HAUS5: variants seen among roughly 807,000 people sequenced by gnomAD.
The protein encoded by HAUS5 is HAUS augmin like complex subunit 5.
Under a neutral mutation model 94.1 loss-of-function variants are expected in HAUS5, and 67 were observed. The ratio of observed to expected loss-of-function variants is 0.71; its 90% CI spans 0.58 to 0.87. The LOEUF is 0.87. Ranked by LOEUF, HAUS5 falls within the 40% of genes least tolerant of loss-of-function variation. The probability of loss-of-function intolerance (pLI) is 0.00; values close to 1 mark genes in which losing one functional copy is unlikely to be tolerated. For synonymous variants in HAUS5, 339 were observed against 355.4 expected (o/e 0.95, Z 0.52); for missense variants, 739 against 825.6 (o/e 0.90, Z 1.29).
intron 6 of HAUS5, 121 bp downstream of exon 6, chr19:35,615,507 C>A: frequency 1.3e-6 from 1 of 757,284 alleles, no homozygotes; most frequent in Non-Finnish European, 2.1e-6. Flanking sequence ...GATGGAATGT[C>A]CATGAGGCCA....
At chr19:35,619,946 C>CA in intron 15 of HAUS5, 66 bp from the exon 16 acceptor site, 1 of 1,563,636 alleles carries the variant, frequency 6.4e-7, no homozygotes, top group African/African-American at 1.4e-5. Context: ...CCTGGGCCCC[C>CA]AGAGCCTCCA....
At chr19:35,617,764 T>C in intron 8 of HAUS5, 91 bp from the exon 9 acceptor site, 1 of 1,112,252 alleles carries the variant, frequency 9.0e-7, no homozygotes, top group Non-Finnish European at 1.4e-6. Context: ...ATAGGGAAGA[T>C]GACAGCCCCT....
chr19:35,618,959 G>C lies in HAUS5; in HGVS notation c.1089G>C (p.Gln363His). The C allele has an allele frequency of 6.2e-7, 1 of 1,613,658 alleles. No individual in the cohort carries two copies. Among genetic ancestry groups the C allele is most frequent in the Non-Finnish European group, 8.5e-7 (1 of 1,179,798 alleles). ...TELKALHDQS[Q>H]ELQDAAGHRQ... Reference sequence around the variant, plus strand: ...TCAAGGCCCTGCACGATCAGAGCCAGGAGCTGCAGGATGCAGCTGGGCATC... The same window carrying C: ...TCAAGGCCCTGCACGATCAGAGCCACGAGCTGCAGGATGCAGCTGGGCATC... The change falls in exon 13 of 19, where the codon CAG becomes CAC. Residue 363 changes from glutamine (Q) to histidine (H), a missense_variant. Transcript: ENST00000203166.
rs1479866116 is a variant in HAUS5, at chr19:35,620,088, G to A, written c.1483G>A (p.Ala495Thr). 3 of 1,613,778 alleles carry A rather than the reference G, an allele frequency of 1.9e-6. No homozygotes were observed. Among genetic ancestry groups the A allele is most frequent in the South Asian group, 2.2e-5 (2 of 91,080 alleles). Reference sequence around the variant, plus strand: ...GTCCCCAAGGGGCTCCAGCTTCATAGCGCTGAGCCACAAGCTGGGGCTGCC... The same window carrying A: ...GTCCCCAAGGGGCTCCAGCTTCATAACGCTGAGCCACAAGCTGGGGCTGCC... ...PASPRGSSFI[A>T]LSHKLGLPPG... The change falls in exon 16 of 19, where the codon GCG becomes ACG. Residue 495 changes from alanine to threonine, a missense_variant. Physicochemically the swap from Ala to Thr is moderately conservative, Grantham distance 58 (BLOSUM62 0). Coordinates refer to ENST00000203166, the MANE Select transcript of HAUS5 (RefSeq NM_015302.2).
chr19:35,618,497 C>G, intron 11 of HAUS5, 32 bp downstream of exon 11: 1 of 1,611,882 alleles, frequency 6.2e-7, no homozygotes, highest in South Asian at 1.1e-5. Context: ...CCACCACATT[C>G]CAAGACTTCC....
At position 35,617,910 on chromosome 19, in the gene HAUS5, G is replaced by C. The variant is rs1967125036; in HGVS notation, c.694G>C (p.Glu232Gln). Residue 232 changes from glutamate (E) to glutamine (Q), a missense_variant and splice_region_variant, in exon 9 of 19, where the codon GAG becomes CAG. Glu to Gln is a conservative substitution (Grantham distance 29). Transcript: ENST00000203166. ...GTACCAGCAGTGGCTGAGCTCAGTG[G>C]AGGTGAGAGGGCAGGGCTCTCAGGA... ...TSYQQWLSSV[E>Q]TLLTNHPPGH... The C allele has an allele frequency of 6.2e-7, 1 of 1,613,836 alleles. No homozygotes were observed. The highest frequency in any genetic ancestry group is 1.3e-5 in the African/African-American group (1 of 74,896).
Position 35,622,611 on chromosome 19 carries a change from G to T in HAUS5, c.1662G>T (p.Gln554His), listed in dbSNP as rs1258890499. ...CTTTCTCACCCTCAGAGCTGCTGCA[G>T]ATCCAGGCATCCCAGGAAAAACAGC... ...PPGLPTQELL[Q>H]IQASQEKQQK... Residue 554 changes from glutamine (Q) to histidine (H), a missense_variant, in exon 18 of 19, where the codon CAG becomes CAT. By Grantham distance (24) the Gln-to-His change is conservative. Transcript: ENST00000203166. The T allele has an allele frequency of 1.2e-6, 2 of 1,613,944 alleles. No individual in the cohort carries two copies. The highest frequency in any genetic ancestry group is 1.7e-6 in the Non-Finnish European group (2 of 1,179,990).
chr19:35,618,509 T>G, intron 11 of HAUS5, 44 bp downstream of exon 11: 1 of 1,613,930 alleles, frequency 6.2e-7, no homozygotes, highest in Non-Finnish European at 8.5e-7. Context: ...AAGACTTCCT[T>G]AATCCCCTCA....
At position 35,622,989 on chromosome 19, in the gene HAUS5, G is replaced by T; in HGVS notation, c.1898G>T (p.Ser633Ile). 6.3e-7 allele frequency: 1 copy of T among 1,599,338 alleles called. No homozygotes were observed. ...CAGGGGGCCCTGCAGAAGCTGTGCA[G>T]CTGAAGAGAGGGTTCAAACGGAAGC... is the stretch of plus-strand genomic sequence containing the variant. ...QAQGALQKLCS is the reference protein window; with the variant it reads ...QAQGALQKLCI The change falls in exon 19 of 19, where the codon AGC becomes ATC. Residue 633 changes from serine to isoleucine, a missense_variant. Ser to Ile is a moderately radical substitution (Grantham distance 142). Coordinates refer to ENST00000203166, the MANE Select transcript of HAUS5 (RefSeq NM_015302.2).
chr19:35,620,772 A>G (rs565777116), intron 17 of HAUS5, among the ~76,000 whole-genome samples: 5 of 152,322 alleles, frequency 3.3e-5, no homozygotes, highest in African/African-American at 1.2e-4. Context: ...GCATGAAGCA[A>G]TATCTTACCG....
Position 35,617,337 on chromosome 19 carries a change from C to T in HAUS5, c.606C>T (p.Leu202=), listed in dbSNP as rs1599595624. ...TCCGGGCCCAGTTCCTGCAGAACCT[C>T]CTGCTTCCCCAGGCCAAGAGGGGCA... ...CTLRAQFLQN[L]LLPQAKRGSL... The change falls in exon 8 of 19, where the codon CTC becomes CTT. Residue 202 remains leucine (L), a synonymous_variant. Coordinates refer to ENST00000203166, the MANE Select transcript of HAUS5 (RefSeq NM_015302.2). The T allele has an allele frequency of 1.9e-6, 3 of 1,613,856 alleles. No homozygotes were observed. The highest frequency in any genetic ancestry group is 1.3e-5 in the African/African-American group (1 of 74,922).
chr19:35,621,220 ACTT>A (rs2146341240), intron 17 of HAUS5, among the ~76,000 whole-genome samples: 1 of 152,298 alleles, frequency 6.6e-6, no homozygotes, highest in Non-Finnish European at 1.5e-5. Context: ...CCTGCCCTCC[ACTT>A]CTTCACAAGG....
At chr19:35,622,300 C>T (rs549811815) in intron 17 of HAUS5, among the ~76,000 whole-genome samples, 4 of 151,706 alleles carry the variant, frequency 2.6e-5, no homozygotes, top group Non-Finnish European at 4.4e-5. Context: ...AGCGGACAGG[C>T]CATGGAGATT....
intron 4 of HAUS5, 41 bp downstream of exon 4, chr19:35,614,100 A>G: frequency 6.3e-7 from 1 of 1,590,184 alleles, no homozygotes; most frequent in Non-Finnish European, 8.6e-7. Context: ...CATCCGAAAA[A>G]TGACTTGTAG....
At chr19:35,618,020 G>C (rs768253298) in intron 9 of HAUS5, 51 bp from the exon 10 acceptor site, 3 of 1,593,568 alleles carry the variant, frequency 1.9e-6, no homozygotes, top group Non-Finnish European at 2.6e-6. Flanking sequence ...TGGGGTCTCA[G>C]CTCACAGCCC....
chr19:35,617,884 C>T lies in HAUS5; in HGVS notation c.668C>T (p.Ser223Leu), dbSNP rs761837673. 24 of 1,613,892 alleles carry T rather than the reference C, an allele frequency of 1.5e-5. No individual in the cohort carries two copies. Among genetic ancestry groups the T allele is most frequent in the Middle Eastern group, 1.6e-4 (1 of 6,080 alleles). ...PTPHDDHFGTSYQQWLSSVET... is the reference protein window; with the variant it reads ...PTPHDDHFGTLYQQWLSSVET... ...CCTCATGATGACCACTTTGGCACTTCGTACCAGCAGTGGCTGAGCTCAGTG... is the reference window on the plus strand; with the variant it reads ...CCTCATGATGACCACTTTGGCACTTTGTACCAGCAGTGGCTGAGCTCAGTG... Residue 223 changes from serine (S) to leucine (L), a missense_variant, in exon 9 of 19, where the codon TCG (serine) becomes TTG (leucine). Transcript: ENST00000203166.
At chr19:35,614,596 A>C (rs901321961) in intron 4 of HAUS5, among the ~76,000 whole-genome samples, 2 of 152,106 alleles carry the variant, frequency 1.3e-5, no homozygotes, top group Non-Finnish European at 1.5e-5. Flanking sequence ...AAAAAGAAAA[A>C]ATAAATAAAG....
intron 6 of HAUS5, among the ~76,000 whole-genome samples, chr19:35,616,211 A>C (rs1233900924): frequency 6.6e-6 from 1 of 152,000 alleles, no homozygotes; most frequent in Non-Finnish European, 1.5e-5. Context: ...CCAGCTACTC[A>C]GGAAGCTGAG....
rs1568328729 is a variant in HAUS5, at chr19:35,618,174, T to C, written c.800T>C (p.Leu267Pro). 1 of 1,605,572 alleles carries C rather than the reference T, an allele frequency of 6.2e-7. No homozygotes were observed. The highest frequency in any genetic ancestry group is 8.5e-7 in the Non-Finnish European group (1 of 1,174,468). The change falls in exon 10 of 19, where the codon CTT (leucine) becomes CCT (proline). Residue 267 changes from leucine to proline, a missense_variant. Transcript: ENST00000203166. ...CGGTCCCTGTGCAGTGGGGATGGGC[T>C]TGGCGACACAGAGATATCCAGGTGT... ...EIRSLCSGDG[L>P]GDTEISRPQA...
Sources: gnomAD v4.1 joint callset for allele counts (sites outside exome capture counted in the v4.1 genomes callset) on GRCh38, gnomAD v4.1.1 for gene constraint, MANE v1.5 for transcripts, NCBI Gene and HGNC (gene_info 2026-07-23, HGNC 2026-07-21) for gene names.